Variants in GRM3 observed in about 807,000 individuals in gnomAD.
GRM3 encodes glutamate metabotropic receptor 3, also known as metabotropic glutamate receptor 3.
A neutral mutation model predicts 70.5 loss-of-function variants in GRM3; 26 were observed. That is an observed-to-expected ratio of 0.37 (90% CI 0.27 to 0.51). The LOEUF is 0.51. GRM3 is among the 20% of genes least tolerant of loss of function. GRM3 has a pLI of 0.93. For synonymous variants in GRM3, 443 were observed against 434.9 expected, an observed-to-expected ratio of 1.02 and a Z score of -0.23; for missense variants, 859 against 1,123.8, an observed-to-expected ratio of 0.76 and a Z score of 3.37.
intron 3 of GRM3, among the ~76,000 whole-genome samples, chr7:86,812,008 T>C (rs1433151070): frequency 6.6e-6 from 1 of 151,680 alleles, no homozygotes; most frequent in East Asian, 1.9e-4. Context: ...ACTTACAGAC[T>C]GTACACTCAG....
chr7:86,848,792 G>A (rs1798704771), intron 4 of GRM3, among the ~76,000 whole-genome samples: 1 of 152,138 alleles, frequency 6.6e-6, no homozygotes, highest in Non-Finnish European at 1.5e-5. Context: ...AATGCCAATA[G>A]AGCAACTAGC....
Position 86,850,507 on chromosome 7 carries a change from G to A in GRM3, c.2529G>A (p.Arg843=), listed in dbSNP as rs747088089. ...NVVTHRLHLN[R]FSVSGTGTTY... Reference sequence around the variant, plus strand: ...TCACACACAGACTGCACCTCAACAGGTTCAGTGTCAGTGGAACTGGGACCA... The same window carrying A: ...TCACACACAGACTGCACCTCAACAGATTCAGTGTCAGTGGAACTGGGACCA... Residue 843 remains arginine, a synonymous_variant, in exon 5 of 6, where the codon AGG becomes AGA. Coordinates refer to ENST00000361669, the MANE Select transcript of GRM3 (RefSeq NM_000840.3). The A allele has an allele frequency of 1.6e-5, 26 of 1,611,792 alleles. No individual in the cohort carries two copies. In the South Asian group the frequency reaches 2.6e-4, roughly 16 times the overall value.
In GRM3 at chr7:86,786,848, G is replaced by A. The variant is rs2116548324; in HGVS notation, c.1056G>A (p.Arg352=). 6.2e-7 allele frequency: 1 copy of A among 1,614,206 alleles called. No homozygotes were observed. Among genetic ancestry groups the A allele is most frequent in the Non-Finnish European group, 8.5e-7 (1 of 1,180,034 alleles). Residue 352 remains arginine, a synonymous_variant, in exon 3 of 6, where the codon CGG becomes CGA. Transcript: ENST00000361669. The surrounding 1 kb of genome is among the most constrained non-coding windows in gnomAD (Gnocchi z 6.0). Reference sequence around the variant, plus strand: ...ACAACCACCGCAACCCCTGGTTCCGGGACTTCTGGGAGCAAAAGTTTCAGT... The same window carrying A: ...ACAACCACCGCAACCCCTGGTTCCGAGACTTCTGGGAGCAAAAGTTTCAGT... The part of the protein sequence containing the change: ...PYNNHRNPWF[R]DFWEQKFQCS...
intron 4 of GRM3, among the ~76,000 whole-genome samples, chr7:86,845,807 C>G (rs1205652228): frequency 3.3e-5 from 5 of 152,066 alleles, no homozygotes; most frequent in Non-Finnish European, 2.9e-5. Flanking sequence ...TTTTTGTGCA[C>G]CTAAAAGACT....
At chr7:86,773,725 G>A (rs191000185) in intron 2 of GRM3, among the ~76,000 whole-genome samples, 6 of 152,190 alleles carry the variant, frequency 3.9e-5, no homozygotes, top group Non-Finnish European at 4.4e-5. Context: ...CAGGGAGGGA[G>A]GCACCAGCAA....
At chr7:86,732,415 T>C (rs1795755187) in intron 1 of GRM3, among the ~76,000 whole-genome samples, 1 of 129,642 alleles carries the variant, frequency 7.7e-6, no homozygotes, top group African/African-American at 3.5e-5. Flanking sequence ...AAAATGAACC[T>C]GGCTATAGAG....
intron 1 of GRM3, among the ~76,000 whole-genome samples, chr7:86,670,426 G>A (rs1794141682): frequency 6.6e-6 from 1 of 152,130 alleles, no homozygotes; most frequent in Non-Finnish European, 1.5e-5. Flanking sequence ...AATTTCTCGT[G>A]TCTTTTAATG....
At chr7:86,727,133 A>G (rs1258586298) in intron 1 of GRM3, among the ~76,000 whole-genome samples, 3 of 152,206 alleles carry the variant, frequency 2.0e-5, no homozygotes, top group Non-Finnish European at 4.4e-5. Flanking sequence ...ATAACACAAG[A>G]CAGAAGATGA....
At chr7:86,658,391 T>C (rs1279528938) in intron 1 of GRM3, among the ~76,000 whole-genome samples, 1 of 152,192 alleles carries the variant, frequency 6.6e-6, no homozygotes, top group African/African-American at 2.4e-5. Context: ...TCCTTCCCTC[T>C]CACTCCCCAG....
rs930568203 is a variant in GRM3 at position 86,723,319 on chromosome 7, G to A, written c.-140-41687G>A. 4.6e-5 allele frequency among the ~76,000 whole-genome samples: 7 copies of A among 151,976 alleles called. No individual in the cohort carries two copies. In the East Asian group the frequency reaches 5.8e-4, roughly 13 times the overall value. ...CTGTGAGAAAAGGTAACAGAAATTG[G>A]AATTACCTACTCTAGAGAATGCTGG... On this transcript the variant is annotated intron_variant, in intron 1 of 5. Coordinates refer to ENST00000361669, the MANE Select transcript of GRM3 (RefSeq NM_000840.3).
At chr7:86,645,587 C>T (rs1248054327) in intron 1 of GRM3, among the ~76,000 whole-genome samples, 1 of 152,076 alleles carries the variant, frequency 6.6e-6, no homozygotes, top group African/African-American at 2.4e-5. Context: ...AAGCTTGTTT[C>T]TTAAGGATTT....
At chr7:86,762,536 TTTCTTCCTTGGCACCTAAAAAA>T (rs1313276261) in intron 1 of GRM3, among the ~76,000 whole-genome samples, 2 of 152,160 alleles carry the variant, frequency 1.3e-5, no homozygotes, top group Non-Finnish European at 2.9e-5. Flanking sequence ...ATTGAGTTTT[TTTCTTCCTTGGCACCTAAAAAA>T]TTCTAAATGC....
At chr7:86,770,445 AACATG>A (rs897221815) in intron 2 of GRM3, among the ~76,000 whole-genome samples, 2 of 152,130 alleles carry the variant, frequency 1.3e-5, no homozygotes, top group African/African-American at 4.8e-5. Flanking sequence ...CACATAGTAT[AACATG>A]ACATGACATG....
chr7:86,787,006 A>T lies in GRM3; in HGVS notation c.1214A>T (p.His405Leu). The change falls in exon 3 of 6, where the codon CAC becomes CTC. Residue 405 changes from histidine (H) to leucine (L), a missense_variant. His to Leu is a moderately conservative substitution (Grantham distance 99). Coordinates refer to ENST00000361669, the MANE Select transcript of GRM3 (RefSeq NM_000840.3). ...GTGTATGCCATGGCCCACGCTTTGC[A>T]CAAAATGCAGCGCACCCTCTGTCCC... is the stretch of plus-strand genomic sequence containing the variant. ...NAVYAMAHALHKMQRTLCPNT... is the reference protein window; with the variant it reads ...NAVYAMAHALLKMQRTLCPNT... 1 of 1,614,070 alleles carries T rather than the reference A, an allele frequency of 6.2e-7. No homozygotes were observed. The highest frequency in any genetic ancestry group is 8.5e-7 in the Non-Finnish European group (1 of 1,179,970).
At chr7:86,728,711 C>A (rs548161059) in intron 1 of GRM3, among the ~76,000 whole-genome samples, 57 of 152,268 alleles carry the variant, frequency 3.7e-4, no homozygotes, top group African/African-American at 1.3e-3. Context: ...TCATTTGCCA[C>A]ACACAGAGCA....
In GRM3 at chr7:86,786,231, T is replaced by C. The variant is rs368023816; in HGVS notation, c.469-30T>C. On this transcript the variant is annotated intron_variant, in intron 2 of 5. Coordinates refer to ENST00000361669, the MANE Select transcript of GRM3 (RefSeq NM_000840.3). This position sits in a 1 kb window ranked among gnomAD's most constrained non-coding sequence, Gnocchi z 6.0. Reference sequence around the variant, plus strand: ...GTCCAGTCATCTACCTCGGGGTTTCTAACAAAGGTCCTTCTTCTCCCTCCC... The same window carrying C: ...GTCCAGTCATCTACCTCGGGGTTTCCAACAAAGGTCCTTCTTCTCCCTCCC... 6 of 1,583,772 alleles carry C rather than the reference T, an allele frequency of 3.8e-6. No individual in the cohort carries two copies. The highest frequency in any genetic ancestry group is 5.2e-6 in the Non-Finnish European group (6 of 1,164,456).
chr7:86,742,730 C>T (rs1025413324), intron 1 of GRM3, among the ~76,000 whole-genome samples: 12 of 151,876 alleles, frequency 7.9e-5, no homozygotes, highest in African/African-American at 2.9e-4. Flanking sequence ...GAATCATATC[C>T]CAATAAGAAG....
At position 86,669,828 on chromosome 7, in the gene GRM3, T is replaced by A. The variant is rs1056723573; in HGVS notation, c.-141+24956T>A. On this transcript the variant is annotated intron_variant, in intron 1 of 5. Coordinates refer to ENST00000361669, the MANE Select transcript of GRM3 (RefSeq NM_000840.3). Reference sequence around the variant, plus strand: ...AAGCTTAAGAACAGAATACACTTAGTCTCTCAATGAAGTATCTCAACTTAG... The same window carrying A: ...AAGCTTAAGAACAGAATACACTTAGACTCTCAATGAAGTATCTCAACTTAG... Among the ~76,000 whole-genome samples, 13 of 152,150 alleles carry A rather than the reference T, an allele frequency of 8.5e-5. No individual in the cohort carries two copies. In the South Asian group the frequency reaches 2.7e-3, roughly 32 times the overall value.
At chr7:86,821,090 A>G (rs1562874370) in intron 3 of GRM3, among the ~76,000 whole-genome samples, 1 of 152,284 alleles carries the variant, frequency 6.6e-6, no homozygotes, top group East Asian at 1.9e-4. Context: ...GGTGGGGCTC[A>G]GTTAATTCAC....
Sources: gnomAD v4.1 joint callset for allele counts (sites outside exome capture counted in the v4.1 genomes callset) on GRCh38, gnomAD v4.1.1 for gene constraint, Gnocchi (gnomAD v3.1) non-coding constraint, MANE v1.5 for transcripts, NCBI Gene and HGNC (gene_info 2026-07-23, HGNC 2026-07-21) for gene names.